The following THADA variants were observed in gnomAD, a reference collection of about 807,000 sequenced individuals.
The protein encoded by THADA is THADA armadillo repeat containing.
THADA carries 213 observed loss-of-function variants against 219.8 expected under a neutral mutation model. The observed-to-expected ratio is 0.97, with a 90% CI of 0.87 to 1.09. The LOEUF is 1.09. THADA is among the 50% of genes least tolerant of loss of function. The pLI is 0.00. For synonymous variants in THADA, 1,018 were observed against 828.9 expected, an observed-to-expected ratio of 1.23 and a Z score of -3.92; for missense variants, 2,956 against 2,311.3, an observed-to-expected ratio of 1.28 and a Z score of -5.72.
At chr2:43,387,198 T>C (rs1275582222) in intron 29 of THADA, among the ~76,000 whole-genome samples, 2 of 152,196 alleles carry the variant, frequency 1.3e-5, no homozygotes, top group African/African-American at 4.8e-5. Flanking sequence ...ATTTTAATTA[T>C]GTGTCATTTT....
chr2:43,465,415 C>G (rs1265811487), intron 26 of THADA, among the ~76,000 whole-genome samples: 1 of 152,212 alleles, frequency 6.6e-6, no homozygotes, highest in African/African-American at 2.4e-5. Context: ...GAGTCTCACA[C>G]AGCTCTCCTT....
intron 26 of THADA, among the ~76,000 whole-genome samples, chr2:43,432,212 G>A (rs141101995): frequency 4.6e-5 from 7 of 151,222 alleles, no homozygotes; most frequent in African/African-American, 9.7e-5. Flanking sequence ...GGATGGTCTC[G>A]ATCTCCTGAC....
intron 22 of THADA, among the ~76,000 whole-genome samples, chr2:43,521,613 A>C (rs558049072): frequency 6.6e-6 from 1 of 152,314 alleles, no homozygotes; most frequent in East Asian, 1.9e-4. Flanking sequence ...CTATGGCCTA[A>C]GCCCCTACTA....
chr2:43,581,543 C>CAA (rs397938497), intron 8 of THADA, among the ~76,000 whole-genome samples, 198 bp downstream of exon 8: 33 of 67,570 alleles, frequency 4.9e-4, no homozygotes, highest in African/African-American at 9.6e-4. Flanking sequence ...GATTCGGTCT[C>CAA]AAAAAAAAAA....
At chr2:43,308,755 TACCAAAAAAAAAA>T (rs1350707704) in intron 31 of THADA, among the ~76,000 whole-genome samples, 66 of 63,322 alleles carry the variant, frequency 1.0e-3, no homozygotes, top group African/African-American at 4.0e-3. Context: ...TGGATACCCA[TACCAAAAAAAAAA>T]AAAAAAAAAA....
chr2:43,434,915 C>A (rs1679870502), intron 26 of THADA, among the ~76,000 whole-genome samples: 1 of 152,202 alleles, frequency 6.6e-6, no homozygotes, highest in Admixed American at 6.5e-5. Context: ...CACACACCCA[C>A]TGGGGCTTCA....
intron 20 of THADA, among the ~76,000 whole-genome samples, chr2:43,541,532 A>G (rs1017882074): frequency 3.3e-5 from 5 of 151,596 alleles, no homozygotes; most frequent in African/African-American, 1.2e-4. Context: ...TTTTGGAGAC[A>G]GGGTCTCGCT....
chr2:43,572,599 T>C (rs1477558011), intron 12 of THADA, among the ~76,000 whole-genome samples: 2 of 152,202 alleles, frequency 1.3e-5, no homozygotes, highest in East Asian at 3.9e-4. Context: ...GAGTTTCCAG[T>C]TGTTTTATGT....
intron 1 of THADA, 189 bp downstream of exon 1, chr2:43,595,742 T>C (rs530648506): frequency 6.6e-6 from 1 of 152,334 alleles, no homozygotes; most frequent in African/African-American, 2.4e-5. Flanking sequence ...AGTCGAGGAA[T>C]GACAGTGGGA....
At position 43,441,421 on chromosome 2, in the gene THADA, T is replaced by A. The variant is rs1427593018; in HGVS notation, c.3837-11119A>T. ...GACTTGGTTAAATATTTACATAGTA[T>A]GTCTGAAGGATATGCAACATTAACA... On this transcript the variant is annotated intron_variant, in intron 26 of 37. Coordinates refer to ENST00000405975, the MANE Select transcript of THADA (RefSeq NM_022065.5). Among the ~76,000 whole-genome samples, 3 of 152,250 alleles carry A rather than the reference T, an allele frequency of 2.0e-5. No individual in the cohort carries two copies. In the South Asian group the frequency reaches 6.2e-4, roughly 31 times the overall value.
At chr2:43,390,047 TA>T (rs1673168736) in intron 29 of THADA, among the ~76,000 whole-genome samples, 1 of 152,206 alleles carries the variant, frequency 6.6e-6, no homozygotes, top group African/African-American at 2.4e-5. Context: ...AGCAGAAGAA[TA>T]AACATTCTCC....
At chr2:43,533,082 T>C (rs1057177933) in intron 21 of THADA, among the ~76,000 whole-genome samples, 1 of 152,122 alleles carries the variant, frequency 6.6e-6, no homozygotes. Context: ...GGGCAAAGGA[T>C]ATAAACAGAC....
At chr2:43,561,375 G>A (rs892902910) in intron 15 of THADA, among the ~76,000 whole-genome samples, 3 of 152,128 alleles carry the variant, frequency 2.0e-5, no homozygotes, top group Admixed American at 6.5e-5. Flanking sequence ...GAAACTCTTA[G>A]AGAAAAAGGA....
At chr2:43,344,759 G>GTTTTTTTTTTTTT (rs1242915350) in intron 29 of THADA, among the ~76,000 whole-genome samples, 1 of 149,324 alleles carries the variant, frequency 6.7e-6, no homozygotes, top group Non-Finnish European at 1.5e-5. Context: ...ACTATTTAGG[G>GTTTTTTTTTTTTT]TTTTTTTTGT....
chr2:43,304,817 G>A (rs1197344107), intron 31 of THADA, among the ~76,000 whole-genome samples: 5 of 152,106 alleles, frequency 3.3e-5, no homozygotes, highest in South Asian at 2.1e-4. Flanking sequence ...GATTACAGGC[G>A]CCAGCCATCA....
chr2:43,407,634 CT>C lies in THADA; in HGVS notation c.4059-9496del, dbSNP rs1287307225. 4.6e-5 allele frequency among the ~76,000 whole-genome samples: 7 copies of C among 152,160 alleles called. No individual in the cohort carries two copies. In the East Asian group the frequency reaches 1.3e-3, roughly 29 times the overall value. ...ACATACACCAATTCTATTAACTTCC[CT>C]TTTTGACAATAATCTGTTACATTTA... On this transcript the variant is annotated intron_variant, in intron 28 of 37. Transcript: ENST00000405975.
At chr2:43,310,314 G>A (rs534348171) in intron 31 of THADA, among the ~76,000 whole-genome samples, 38 of 146,622 alleles carry the variant, frequency 2.6e-4, no homozygotes, top group Non-Finnish European at 3.0e-4. Flanking sequence ...AATGAAGAAA[G>A]AGGACTCACA....
intron 31 of THADA, among the ~76,000 whole-genome samples, chr2:43,308,011 C>A (rs1292361118): frequency 6.6e-6 from 1 of 151,772 alleles, no homozygotes; most frequent in Non-Finnish European, 1.5e-5. Context: ...AATGAAACTT[C>A]TAGAGATGAA....
chr2:43,375,135 A>G (rs922769711), intron 29 of THADA, among the ~76,000 whole-genome samples: 1 of 152,204 alleles, frequency 6.6e-6, no homozygotes, highest in African/African-American at 2.4e-5. Flanking sequence ...GGGAATTTGT[A>G]CATGTAACAT....
Sources: gnomAD v4.1 joint callset for allele counts (sites outside exome capture counted in the v4.1 genomes callset) on GRCh38, gnomAD v4.1.1 for gene constraint, MANE v1.5 for transcripts, NCBI Gene and HGNC (gene_info 2026-07-23, HGNC 2026-07-21) for gene names.